Variants in OSBPL6 observed in about 807,000 individuals in gnomAD.
The protein encoded by OSBPL6 is oxysterol binding protein like 6.
Under a neutral mutation model 125.8 loss-of-function variants are expected in OSBPL6, and 49 were observed. The ratio of observed to expected loss-of-function variants is 0.39; its 90% CI spans 0.31 to 0.49. OSBPL6 has a LOEUF of 0.49. Among genes scored for constraint, OSBPL6 ranks in the 20% least tolerant of loss-of-function variants. The pLI is 0.88. For missense variants in OSBPL6, 986 were observed against 1,135.4 expected, an observed-to-expected ratio of 0.87 and a Z score of 1.89; for synonymous variants, 394 against 391.8, an observed-to-expected ratio of 1.01 and a Z score of -0.07.
intron 21 of OSBPL6, among the ~76,000 whole-genome samples, chr2:178,390,358 T>C (rs1420082955): frequency 6.6e-6 from 1 of 152,170 alleles, no homozygotes; most frequent in Non-Finnish European, 1.5e-5. Flanking sequence ...AGGGGCCTCA[T>C]ACACACATAT....
In OSBPL6 at chr2:178,248,711, A is replaced by G. The variant is rs191346772; in HGVS notation, c.-350-36216A>G. 1.5e-3 allele frequency among the ~76,000 whole-genome samples: 231 copies of G among 152,048 alleles called. 1 individual carries two copies. Among genetic ancestry groups the G allele is most frequent in the Non-Finnish European group, 2.6e-3 (175 of 67,964 alleles). ...GACCTTTTTGTTTGGGGATTTGAGG[A>G]TTGCCAGTATTAGGTGTTTTAGAGG... On this transcript the variant is annotated intron_variant, in intron 1 of 24. Coordinates refer to ENST00000190611, the MANE Select transcript of OSBPL6 (RefSeq NM_032523.4).
intron 2 of OSBPL6, among the ~76,000 whole-genome samples, chr2:178,304,698 C>T (rs1686602661): frequency 1.3e-5 from 2 of 152,158 alleles, no homozygotes; most frequent in African/African-American, 4.8e-5. Context: ...AGGTTTCTAA[C>T]ACATGAATTT....
intron 3 of OSBPL6, among the ~76,000 whole-genome samples, chr2:178,309,919 G>C (rs1687115390): frequency 6.6e-6 from 1 of 152,220 alleles, no homozygotes; most frequent in Non-Finnish European, 1.5e-5. Flanking sequence ...TATTAAAAGA[G>C]AGTTCTTCTG....
At chr2:178,260,885 C>A (rs1197553614) in intron 1 of OSBPL6, among the ~76,000 whole-genome samples, 1 of 152,172 alleles carries the variant, frequency 6.6e-6, no homozygotes, top group East Asian at 1.9e-4. Context: ...GTGGCTCATG[C>A]CTGTAATCCC....
intron 13 of OSBPL6, among the ~76,000 whole-genome samples, chr2:178,365,426 G>T (rs1475824841): frequency 1.3e-5 from 2 of 152,172 alleles, no homozygotes; most frequent in Admixed American, 6.5e-5. Flanking sequence ...ACAAAAATTT[G>T]CAAGGCTGGA....
intron 15 of OSBPL6, 101 bp downstream of exon 15, chr2:178,374,128 T>G: frequency 7.2e-7 from 1 of 1,381,816 alleles, no homozygotes. Flanking sequence ...CTTTCATTTG[T>G]TTTTTTGTTT....
intron 1 of OSBPL6, among the ~76,000 whole-genome samples, chr2:178,251,999 A>G (rs1429572063): frequency 6.6e-6 from 1 of 152,200 alleles, no homozygotes; most frequent in African/African-American, 2.4e-5. Context: ...TTTTAAAACT[A>G]CAGTTAGACG....
At chr2:178,366,119 T>C (rs1442942440) in intron 13 of OSBPL6, among the ~76,000 whole-genome samples, 1 of 152,228 alleles carries the variant, frequency 6.6e-6, no homozygotes, top group East Asian at 1.9e-4. Context: ...CTCGAACTCG[T>C]GGCCTCAAGT....
intron 20 of OSBPL6, among the ~76,000 whole-genome samples, chr2:178,388,550 T>C (rs1191806446): frequency 6.6e-6 from 1 of 152,220 alleles, no homozygotes; most frequent in Non-Finnish European, 1.5e-5. Flanking sequence ...TTTGTGGCTC[T>C]GTGGATGCTT....
intron 9 of OSBPL6, among the ~76,000 whole-genome samples, chr2:178,337,703 C>T (rs190171195): frequency 1.2e-4 from 18 of 152,266 alleles, no homozygotes; most frequent in African/African-American, 3.4e-4. Context: ...AAATTGATGT[C>T]TCCTTACGCT....
chr2:178,302,639 C>A (rs1686402773), intron 2 of OSBPL6, among the ~76,000 whole-genome samples: 1 of 152,060 alleles, frequency 6.6e-6, no homozygotes, highest in African/African-American at 2.4e-5. Flanking sequence ...ACCTCAAAAA[C>A]AATTCTTGGA....
intron 1 of OSBPL6, among the ~76,000 whole-genome samples, chr2:178,235,174 T>A (rs2090996294): frequency 6.6e-6 from 1 of 152,096 alleles, no homozygotes; most frequent in Non-Finnish European, 1.5e-5. Flanking sequence ...ACCTTCCCAG[T>A]TAATGTTCAT....
chr2:178,245,329 T>G (rs1048109011), intron 1 of OSBPL6, among the ~76,000 whole-genome samples: 1 of 152,242 alleles, frequency 6.6e-6, no homozygotes, highest in Admixed American at 6.5e-5. Context: ...TTCTGCTCAT[T>G]TGAAAATGCT....
chr2:178,359,971 C>T (rs1430825080), intron 12 of OSBPL6, among the ~76,000 whole-genome samples: 1 of 152,122 alleles, frequency 6.6e-6, no homozygotes, highest in South Asian at 2.1e-4. Flanking sequence ...CCTGTAATCC[C>T]AGCTACTTAA....
intron 24 of OSBPL6, among the ~76,000 whole-genome samples, chr2:178,394,734 C>G (rs1695699776): frequency 1.3e-5 from 2 of 152,268 alleles, no homozygotes; most frequent in South Asian, 4.1e-4. Context: ...ACTCCCTTAG[C>G]CAGGGACTGA....
chr2:178,354,152 T>C (rs1691554178), intron 12 of OSBPL6, among the ~76,000 whole-genome samples: 1 of 152,202 alleles, frequency 6.6e-6, no homozygotes, highest in Non-Finnish European at 1.5e-5. Context: ...GTAAAGACCA[T>C]TGATGCTATG....
At chr2:178,231,064 C>G (rs564124400) in intron 1 of OSBPL6, among the ~76,000 whole-genome samples, 1 of 152,078 alleles carries the variant, frequency 6.6e-6, no homozygotes, top group East Asian at 1.9e-4. Flanking sequence ...GAAAGTTTAC[C>G]AGGCAGAAGA....
At chr2:178,331,908 A>C (rs544488254) in intron 6 of OSBPL6, among the ~76,000 whole-genome samples, 12 of 152,308 alleles carry the variant, frequency 7.9e-5, no homozygotes, top group African/African-American at 2.6e-4. Context: ...TCCATCTTCC[A>C]ATAAACTCTG....
chr2:178,294,867 CTT>C (rs35140268), intron 2 of OSBPL6, among the ~76,000 whole-genome samples: 135 of 133,672 alleles, frequency 1.0e-3, no homozygotes, highest in Admixed American at 1.2e-3. Flanking sequence ...TCACCATTAG[CTT>C]TTTTTTTTTT....
Sources: gnomAD v4.1 joint callset for allele counts (sites outside exome capture counted in the v4.1 genomes callset) on GRCh38, gnomAD v4.1.1 for gene constraint, MANE v1.5 for transcripts, NCBI Gene and HGNC (gene_info 2026-07-23, HGNC 2026-07-21) for gene names.